The following SLC26A7 variants were observed in gnomAD, a reference collection of about 807,000 sequenced individuals.
SLC26A7 encodes the protein solute carrier family 26 member 7.
Under a neutral mutation model 82.5 loss-of-function variants are expected in SLC26A7, and 59 were observed. The ratio of observed to expected loss-of-function variants is 0.72; its 90% CI spans 0.58 to 0.89. SLC26A7 has a LOEUF of 0.89. SLC26A7 is among the 40% of genes least tolerant of loss of function. The probability of loss-of-function intolerance (pLI) is 0.00; values close to 1 mark genes in which losing one functional copy is unlikely to be tolerated. For synonymous variants in SLC26A7, 271 were observed against 274.3 expected, an observed-to-expected ratio of 0.99 and a Z score of 0.12; for missense variants, 820 against 793.0, an observed-to-expected ratio of 1.03 and a Z score of -0.41.
At chr8:91,326,816 G>A (rs144670848) in intron 5 of SLC26A7, among the ~76,000 whole-genome samples, 1 of 152,076 alleles carries the variant, frequency 6.6e-6, no homozygotes, top group East Asian at 1.9e-4. Flanking sequence ...TGCTCCCTCT[G>A]CAGGTTCTAG....
At chr8:91,330,605 C>T (rs781280170) in intron 5 of SLC26A7, among the ~76,000 whole-genome samples, 9 of 152,034 alleles carry the variant, frequency 5.9e-5, no homozygotes, top group African/African-American at 1.4e-4. Flanking sequence ...TTGAGCAATC[C>T]GCTGTGGACA....
intron 5 of SLC26A7, among the ~76,000 whole-genome samples, chr8:91,332,349 TAA>T (rs557793208): frequency 8.7e-4 from 125 of 143,320 alleles, no homozygotes; most frequent in African/African-American, 2.7e-3. Context: ...ATAATATATA[TAA>T]ATTTATAATT....
intron 15 of SLC26A7, among the ~76,000 whole-genome samples, chr8:91,386,873 T>C (rs1367114166): frequency 6.6e-6 from 1 of 152,134 alleles, no homozygotes; most frequent in Non-Finnish European, 1.5e-5. Context: ...CCATATAAAT[T>C]TTATTTTCTA....
chr8:91,389,339 A>G lies in SLC26A7; in HGVS notation c.1677A>G (p.Glu559=), dbSNP rs1021492518. 4 of 1,612,150 alleles carry G rather than the reference A, an allele frequency of 2.5e-6. No homozygotes were observed. Among genetic ancestry groups the G allele is most frequent in the Non-Finnish European group, 3.4e-6 (4 of 1,178,424 alleles). ...LNSLSNGNCN[E]EASQSCPNEK... The stretch of plus-strand genomic sequence containing the variant: ...CTCAAGTCTCTGTTTCTCCTACAGA[A>G]GAAGCTTCACAGTCCTGCCCTAATG... Residue 559 remains glutamate (E), a splice_region_variant and synonymous_variant, in exon 16 of 19, where the codon GAA becomes GAG. Transcript: ENST00000276609.
chr8:91,341,846 G>C (rs1813424350), intron 8 of SLC26A7, among the ~76,000 whole-genome samples: 1 of 152,106 alleles, frequency 6.6e-6, no homozygotes, highest in Non-Finnish European at 1.5e-5. Context: ...TCTGGCTATG[G>C]ATATTTGCAC....
chr8:91,216,883 C>T (rs113440535), intron 1 of SLC26A7, among the ~76,000 whole-genome samples: 4,143 of 152,106 alleles, frequency 0.027, 188 homozygotes, highest in African/African-American at 0.095. Flanking sequence ...TGTATTGTTT[C>T]CCCAATACAA....
chr8:91,340,673 T>G (rs2130841147), intron 8 of SLC26A7, 122 bp downstream of exon 8: 1 of 1,183,734 alleles, frequency 8.4e-7, no homozygotes, highest in South Asian at 1.4e-5. Flanking sequence ...AAGAGTGGGT[T>G]GAACAAAAAA....
chr8:91,352,022 G>C (rs1186376211), intron 10 of SLC26A7, 135 bp downstream of exon 10: 1 of 739,160 alleles, frequency 1.4e-6, no homozygotes, highest in Non-Finnish European at 2.3e-6. Flanking sequence ...AGTTTGAATG[G>C]GGGAGGTGTG....
At chr8:91,359,876 A>ATGTGTGTGTG (rs33943189) in intron 11 of SLC26A7, among the ~76,000 whole-genome samples, 2,743 of 139,358 alleles carry the variant, frequency 0.02, 73 homozygotes, top group African/African-American at 0.069. Context: ...TATCCAAGAT[A>ATGTGTGTGTG]TGTGTGTGTG....
At chr8:91,355,790 A>G (rs1813847557) in intron 11 of SLC26A7, among the ~76,000 whole-genome samples, 1 of 151,852 alleles carries the variant, frequency 6.6e-6, no homozygotes, top group South Asian at 2.1e-4. Context: ...GGTTTATTAC[A>G]TATGTATACA....
At chr8:91,318,129 A>C in intron 4 of SLC26A7, 87 bp from the exon 5 acceptor site, 2 of 1,133,646 alleles carry the variant, frequency 1.8e-6, no homozygotes, top group East Asian at 4.9e-5. Flanking sequence ...TATCAAATGA[A>C]AATGAGAATG....
chr8:91,239,546 A>T (rs568285394), intron 2 of SLC26A7, among the ~76,000 whole-genome samples: 2 of 151,922 alleles, frequency 1.3e-5, no homozygotes, highest in East Asian at 3.9e-4. Context: ...TCTCATAAGA[A>T]ATTGCCTTAG....
intron 15 of SLC26A7, among the ~76,000 whole-genome samples, chr8:91,383,467 T>C (rs544409155): frequency 1.6e-4 from 25 of 152,174 alleles, no homozygotes; most frequent in Admixed American, 9.8e-4. Context: ...AGTAAGGGAA[T>C]GGGCAAGAAG....
intron 2 of SLC26A7, among the ~76,000 whole-genome samples, chr8:91,250,347 G>A (rs1810624095): frequency 6.6e-6 from 1 of 152,094 alleles, no homozygotes; most frequent in Non-Finnish European, 1.5e-5. Context: ...AATCCTGTGT[G>A]TCCTGAGAGC....
intron 9 of SLC26A7, among the ~76,000 whole-genome samples, chr8:91,351,578 T>C (rs1813716901): frequency 6.6e-6 from 1 of 152,180 alleles, no homozygotes; most frequent in East Asian, 1.9e-4. Context: ...AAATTGCTTT[T>C]CTCTCATCAC....
At chr8:91,285,669 G>A (rs535129607) in intron 2 of SLC26A7, among the ~76,000 whole-genome samples, 2 of 152,300 alleles carry the variant, frequency 1.3e-5, no homozygotes, top group East Asian at 1.9e-4. Context: ...TTTGAATTGT[G>A]TTAGCTCTAG....
chr8:91,258,905 G>A (rs1810882061), intron 2 of SLC26A7, among the ~76,000 whole-genome samples: 1 of 152,076 alleles, frequency 6.6e-6, no homozygotes, highest in Admixed American at 6.6e-5. Flanking sequence ...GAGTTAGGTA[G>A]TGGAAACCTT....
rs1279249773 is a variant in SLC26A7 at position 91,396,471 on chromosome 8, T to A, written c.*1374T>A. Reference sequence around the variant, plus strand: ...ATTCTAGTGCCTGCCAAGTGATGGATTATAATGGTCTCTAGCAAATGTGTG... The same window carrying A: ...ATTCTAGTGCCTGCCAAGTGATGGAATATAATGGTCTCTAGCAAATGTGTG... On this transcript the variant is annotated 3_prime_UTR_variant, in exon 19 of 19. Transcript: ENST00000276609. The A allele has an allele frequency of 6.6e-6, 1 of 152,038 alleles. No individual in the cohort carries two copies. The highest frequency in any genetic ancestry group is 2.4e-5 in the African/African-American group (1 of 41,450). The allele number at this position is 152,038 out of a possible 1,614,324, so 9.4% of individuals were successfully genotyped here. A position where few individuals can be genotyped will look rare whatever the true frequency, so the allele number is the denominator to read the frequency against.
At position 91,334,368 on chromosome 8, in the gene SLC26A7, T is replaced by G. The variant is rs1447453088; in HGVS notation, c.716T>G (p.Val239Gly). 1.2e-6 allele frequency: 2 copies of G among 1,613,570 alleles called. No individual in the cohort carries two copies. Among genetic ancestry groups the G allele is most frequent in the Non-Finnish European group, 1.7e-6 (2 of 1,179,638 alleles). The change falls in exon 6 of 19, where the codon GTG (valine) becomes GGG (glycine). Residue 239 changes from valine to glycine, a missense_variant. Coordinates refer to ENST00000276609, the MANE Select transcript of SLC26A7 (RefSeq NM_052832.4). Reference protein sequence around the residue: ...EALLLSLLSIVVLVLVKELNE... With the variant: ...EALLLSLLSIGVLVLVKELNE... ...TTGCTTTTATCCTTGCTGAGCATTG[T>G]GGTCCTTGTTCTTGTTAAAGAGCTG...
Sources: gnomAD v4.1 joint callset for allele counts (sites outside exome capture counted in the v4.1 genomes callset) on GRCh38, gnomAD v4.1.1 for gene constraint, MANE v1.5 for transcripts, NCBI Gene and HGNC (gene_info 2026-07-23, HGNC 2026-07-21) for gene names.